The following LYRM4 variants were observed in gnomAD, a reference collection of about 807,000 sequenced individuals.
LYRM4 encodes LYR motif containing 4.
LYRM4 carries 9 observed loss-of-function variants against 11.7 expected under a neutral mutation model. The observed-to-expected ratio is 0.77, with a 90% CI of 0.46 to 1.34. The LOEUF (loss-of-function observed/expected upper bound fraction) is 1.34, where lower values mean the gene tolerates loss of function less well. Ranked by LOEUF, LYRM4 falls within the 40% of genes most tolerant of loss-of-function variation. LYRM4 has a pLI of 0.00. For missense variants in LYRM4, 133 were observed against 112.5 expected (o/e 1.18, Z -0.82); for synonymous variants, 42 against 40.4 (o/e 1.04, Z -0.15).
At chr6:5,081,260 G>A in the LYRM4 span, among the ~76,000 whole-genome samples, 3 of 151,598 alleles carry the variant, frequency 2.0e-5, no homozygotes, top group East Asian at 1.9e-4. Context: ...CCCTGTCTCC[G>A]GGAGAAAGCT....
the LYRM4 span, among the ~76,000 whole-genome samples, chr6:5,089,682 T>A: frequency 2.0e-5 from 3 of 152,216 alleles, no homozygotes; most frequent in African/African-American, 7.2e-5. Context: ...GAGCATCCAG[T>A]ATGGCTGCTA....
At chr6:5,218,823 A>G (rs1429670091) in intron 1 of LYRM4, among the ~76,000 whole-genome samples, 1 of 152,264 alleles carries the variant, frequency 6.6e-6, no homozygotes, top group Non-Finnish European at 1.5e-5. Flanking sequence ...ACAAGATTTT[A>G]GATAGCAGCT....
intron 2 of LYRM4, among the ~76,000 whole-genome samples, chr6:5,115,436 C>A (rs563311527): frequency 2.6e-5 from 4 of 152,176 alleles, no homozygotes; most frequent in Non-Finnish European, 4.4e-5. Context: ...ATTCTCTATG[C>A]GGCGGCTAGA....
intron 2 of LYRM4, among the ~76,000 whole-genome samples, chr6:5,145,057 T>A (rs1015033058): frequency 1.4e-4 from 22 of 152,352 alleles, no homozygotes; most frequent in African/African-American, 5.3e-4. Context: ...TCTCCAGGCC[T>A]GGCGCTGGAA....
At chr6:5,110,031 T>A (rs370759982) in intron 2 of LYRM4, among the ~76,000 whole-genome samples, 1 of 152,332 alleles carries the variant, frequency 6.6e-6, no homozygotes, top group South Asian at 2.1e-4. Context: ...TGCCCCCTTC[T>A]TTTTAAAGTG....
At chr6:5,257,927 T>C (rs761974259) in intron 1 of LYRM4, among the ~76,000 whole-genome samples, 20 of 152,272 alleles carry the variant, frequency 1.3e-4, no homozygotes, top group Non-Finnish European at 7.4e-5. Context: ...CAATGAGACC[T>C]GTTTGGCTGG....
At chr6:5,169,652 T>C (rs1314443357) in intron 2 of LYRM4, among the ~76,000 whole-genome samples, 4 of 152,236 alleles carry the variant, frequency 2.6e-5, no homozygotes, top group African/African-American at 9.6e-5. Flanking sequence ...TCCCCCTTTA[T>C]TTAAAACTTC....
chr6:5,040,570 GT>G, the LYRM4 span, among the ~76,000 whole-genome samples: 1 of 151,774 alleles, frequency 6.6e-6, no homozygotes, highest in Non-Finnish European at 1.5e-5. Flanking sequence ...AAGATTTAGT[GT>G]TCCATAAATG....
chr6:5,142,947 G>A (rs139505865), intron 2 of LYRM4, among the ~76,000 whole-genome samples: 57 of 152,308 alleles, frequency 3.7e-4, no homozygotes, highest in East Asian at 1.4e-3. Flanking sequence ...ATCGCGGGCC[G>A]GTCCCCTGTG....
At chr6:5,119,956 A>G (rs1763347249) in intron 2 of LYRM4, among the ~76,000 whole-genome samples, 1 of 151,530 alleles carries the variant, frequency 6.6e-6, no homozygotes, top group Admixed American at 6.6e-5. Context: ...GCTGGAGTGC[A>G]TGATCTCGGC....
At chr6:5,112,040 G>C (rs571756939) in intron 2 of LYRM4, among the ~76,000 whole-genome samples, 2 of 152,222 alleles carry the variant, frequency 1.3e-5, no homozygotes. Flanking sequence ...AGTCGTGGCA[G>C]ACAGGGAGGG....
At chr6:5,048,290 G>GGTGT in the LYRM4 span, among the ~76,000 whole-genome samples, 17,802 of 139,812 alleles carry the variant, frequency 0.13, 1,278 homozygotes, top group East Asian at 0.19. Context: ...GACACTTTGT[G>GGTGT]GTGTGTGTGT....
intron 2 of LYRM4, among the ~76,000 whole-genome samples, chr6:5,173,946 A>G (rs1759572388): frequency 6.6e-6 from 1 of 152,172 alleles, no homozygotes; most frequent in African/African-American, 2.4e-5. Flanking sequence ...CTGTGAAGTG[A>G]CACTGGAAAC....
intron 2 of LYRM4, among the ~76,000 whole-genome samples, chr6:5,190,611 C>T (rs1341995962): frequency 1.3e-5 from 2 of 151,912 alleles, no homozygotes; most frequent in Admixed American, 6.6e-5. Flanking sequence ...TAACAGATCC[C>T]ATATATGACA....
At chr6:5,057,588 G>T in the LYRM4 span, among the ~76,000 whole-genome samples, 1 of 151,898 alleles carries the variant, frequency 6.6e-6, no homozygotes, top group Admixed American at 6.6e-5. Flanking sequence ...GTATGATGGC[G>T]CCTGTAATCC....
At chr6:5,204,535 C>T (rs1761578829) in intron 2 of LYRM4, among the ~76,000 whole-genome samples, 1 of 152,150 alleles carries the variant, frequency 6.6e-6, no homozygotes, top group South Asian at 2.1e-4. Context: ...ACTGACTTCT[C>T]CCTCCCTCTC....
the LYRM4 span, among the ~76,000 whole-genome samples, chr6:5,093,306 T>G: frequency 6.6e-6 from 1 of 152,254 alleles, no homozygotes; most frequent in Non-Finnish European, 1.5e-5. Flanking sequence ...TTGAGATGTA[T>G]TGTAAAAATA....
intron 2 of LYRM4, among the ~76,000 whole-genome samples, chr6:5,151,147 G>A (rs1288777573): frequency 6.8e-6 from 1 of 147,996 alleles, no homozygotes; most frequent in Non-Finnish European, 1.5e-5. Context: ...GCAGTGGCAC[G>A]ATCTTGGCTC....
intron 2 of LYRM4, among the ~76,000 whole-genome samples, chr6:5,198,151 T>C (rs55642360): frequency 0.024 from 3,673 of 151,792 alleles, 115 homozygotes; most frequent in African/African-American, 0.077. Context: ...TGAACCGAGA[T>C]TGCACCACTG....
Sources: gnomAD v4.1 joint callset for allele counts (sites outside exome capture counted in the v4.1 genomes callset) on GRCh38, gnomAD v4.1.1 for gene constraint, MANE v1.5 for transcripts, NCBI Gene and HGNC (gene_info 2026-07-23, HGNC 2026-07-21) for gene names.